Variants in MCPH1 observed in about 807,000 individuals in gnomAD.
MCPH1 encodes microcephalin.
Under a neutral mutation model 84.5 loss-of-function variants are expected in MCPH1, and 104 were observed. The ratio of observed to expected loss-of-function variants is 1.23; its 90% CI spans 1.05 to 1.45. The LOEUF (loss-of-function observed/expected upper bound fraction) is 1.45. MCPH1 is among the 40% of genes most tolerant of loss of function. The pLI is 0.00. For synonymous variants in MCPH1, 514 were observed against 366.8 expected (o/e 1.40, Z -4.58); for missense variants, 1,498 against 1,005.7 (o/e 1.49, Z -6.62).
chr8:6,596,221 G>A (rs759070909), intron 12 of MCPH1, among the ~76,000 whole-genome samples: 1 of 152,110 alleles, frequency 6.6e-6, no homozygotes, highest in Non-Finnish European at 1.5e-5. Flanking sequence ...GCCACGAACT[G>A]GCACTGTGCC....
At chr8:6,509,240 C>G (rs1814438638) in intron 12 of MCPH1, among the ~76,000 whole-genome samples, 1 of 151,986 alleles carries the variant, frequency 6.6e-6, no homozygotes, top group Non-Finnish European at 1.5e-5. Context: ...AACTTATCAT[C>G]AAATCCTTCA....
intron 12 of MCPH1, among the ~76,000 whole-genome samples, chr8:6,540,701 T>G (rs1408246301): frequency 6.6e-6 from 1 of 152,262 alleles, no homozygotes; most frequent in East Asian, 1.9e-4. Context: ...TCTCACCAGA[T>G]TCTCACACTG....
chr8:6,566,703 G>A (rs1032919910), intron 12 of MCPH1, among the ~76,000 whole-genome samples: 28 of 151,928 alleles, frequency 1.8e-4, no homozygotes, highest in Admixed American at 5.9e-4. Flanking sequence ...AACGTGGTGC[G>A]GTGACCGTGT....
chr8:6,622,643 G>A (rs1322917287), intron 13 of MCPH1, among the ~76,000 whole-genome samples: 8 of 152,206 alleles, frequency 5.3e-5, no homozygotes, highest in African/African-American at 1.9e-4. Flanking sequence ...GGAAGTCTAA[G>A]ATGGGGTATC....
At chr8:6,443,871 G>A (rs922531968) in intron 7 of MCPH1, among the ~76,000 whole-genome samples, 1 of 152,224 alleles carries the variant, frequency 6.6e-6, no homozygotes. Flanking sequence ...CTCAGGAAAT[G>A]AGTAATCCAT....
At chr8:6,567,016 G>A (rs1826233899) in intron 12 of MCPH1, among the ~76,000 whole-genome samples, 1 of 146,824 alleles carries the variant, frequency 6.8e-6, no homozygotes, top group Admixed American at 6.7e-5. Flanking sequence ...GCCATAGATA[G>A]TGCACGCGGT....
intron 3 of MCPH1, among the ~76,000 whole-genome samples, chr8:6,428,073 C>T (rs1285357859): frequency 2.6e-5 from 4 of 152,070 alleles, no homozygotes; most frequent in East Asian, 1.9e-4. Flanking sequence ...TGAGCCACCA[C>T]GCCTCGCCTA....
chr8:6,437,955 C>G (rs1204085610), intron 5 of MCPH1, among the ~76,000 whole-genome samples: 1 of 152,126 alleles, frequency 6.6e-6, no homozygotes, highest in Non-Finnish European at 1.5e-5. Flanking sequence ...AAACTTTAAA[C>G]CAGAAGGACA....
Position 6,423,189 on chromosome 8 carries a change from TC to T in MCPH1, c.233+8307del, listed in dbSNP as rs199648974. ...ATCTTTTGGCATTTTTCTTTTCTTT[TC>T]TTTTTTTTTTTTTTTTTGAAACTGA... On this transcript the variant is annotated intron_variant, in intron 3 of 13. Transcript: ENST00000344683. 3.7e-3 allele frequency among the ~76,000 whole-genome samples: 496 copies of T among 133,998 alleles called. 16 individuals are homozygous for T. Among genetic ancestry groups the T allele is most frequent in the African/African-American group, 0.011 (359 of 32,590 alleles). 87.9% of individuals were successfully genotyped at this position (133,998 alleles called of 152,430 possible).
chr8:6,637,922 C>G (rs2454525), intron 13 of MCPH1, among the ~76,000 whole-genome samples: 21,739 of 152,120 alleles, frequency 0.14, 1,636 homozygotes, highest in African/African-American at 0.2. Context: ...CTCGCTGATA[C>G]ATTGGATGTG....
At chr8:6,509,463 C>T (rs901821942) in intron 12 of MCPH1, among the ~76,000 whole-genome samples, 7 of 152,168 alleles carry the variant, frequency 4.6e-5, no homozygotes, top group African/African-American at 1.4e-4. Flanking sequence ...TTATTTTCCG[C>T]AGGGGGCCCC....
intron 12 of MCPH1, chr8:6,521,036 C>T (rs1241580397): frequency 1.6e-6 from 1 of 628,804 alleles, no homozygotes; most frequent in South Asian, 2.2e-5. Flanking sequence ...TTCTCTTCTT[C>T]CTTCATTTTA....
rs35519559 is a variant in MCPH1, at chr8:6,526,257, T to TAAAA, written c.2214+26353_2214+26356dup. On this transcript the variant is annotated intron_variant, in intron 12 of 13. Transcript: ENST00000344683. ...CAATATGGCAAAACCTTGCCTCTAC[T>TAAAA]AAAAAAAAAAAAAAAAAAAAAAAAA... is the stretch of plus-strand genomic sequence containing the variant. 1.2e-4 allele frequency among the ~76,000 whole-genome samples: 9 copies of TAAAA among 77,500 alleles called. No individual in the cohort carries two copies. In the East Asian group the frequency reaches 1.5e-3, roughly 13 times the overall value. The allele number at this position is 77,500 out of a possible 152,430, so 50.8% of individuals were successfully genotyped here.
At chr8:6,446,367 T>C (rs1178606273) in intron 8 of MCPH1, 37 of 984,648 alleles carry the variant, frequency 3.8e-5, no homozygotes, top group Non-Finnish European at 4.5e-5. Flanking sequence ...TTCTCTGCTC[T>C]ACAAATGTTT....
At chr8:6,632,465 C>T (rs1033679902) in intron 13 of MCPH1, among the ~76,000 whole-genome samples, 4 of 152,138 alleles carry the variant, frequency 2.6e-5, no homozygotes, top group Non-Finnish European at 5.9e-5. Flanking sequence ...TACAAGGCTA[C>T]ATTGATCTTG....
At chr8:6,538,814 A>G (rs1820975749) in intron 12 of MCPH1, among the ~76,000 whole-genome samples, 1 of 152,202 alleles carries the variant, frequency 6.6e-6, no homozygotes, top group South Asian at 2.1e-4. Flanking sequence ...CATTCTACAT[A>G]TACACCCTAG....
chr8:6,533,575 T>TTC (rs1010576257), intron 12 of MCPH1, among the ~76,000 whole-genome samples: 3 of 124,036 alleles, frequency 2.4e-5, no homozygotes, highest in Non-Finnish European at 5.2e-5. Context: ...GTTTCTTTTT[T>TTC]TTTTTTTTTT....
Position 6,409,312 on chromosome 8 carries a change from A to G in MCPH1, c.56A>G (p.Asn19Ser), listed in dbSNP as rs752855605. ...VVAYVEVWSS[N>S]GTENYSKTFT... is the part of the protein sequence containing the mutation. ...GCCTATGTTGAAGTGTGGTCATCCA[A>G]TGGAACAGAAAATTATTCAAAGACA... Residue 19 changes from asparagine (N) to serine (S), a missense_variant, in exon 2 of 14, where the codon AAT becomes AGT. Asn to Ser is a conservative substitution (Grantham distance 46). Transcript: ENST00000344683. 1.5e-5 allele frequency: 25 copies of G among 1,614,024 alleles called. No individual in the cohort carries two copies. The highest frequency in any genetic ancestry group is 5.5e-5 in the South Asian group (5 of 91,092).
intron 9 of MCPH1, among the ~76,000 whole-genome samples, chr8:6,473,319 C>CTT (rs1400913241): frequency 8.3e-6 from 1 of 120,762 alleles, no homozygotes. Flanking sequence ...TTCTCTCAAT[C>CTT]CTTTTTTTTT....
Sources: gnomAD v4.1 joint callset for allele counts (sites outside exome capture counted in the v4.1 genomes callset) on GRCh38, gnomAD v4.1.1 for gene constraint, MANE v1.5 for transcripts, NCBI Gene and HGNC (gene_info 2026-07-23, HGNC 2026-07-21) for gene names.